The following BCAS3 variants were observed in gnomAD, a reference collection of about 807,000 sequenced individuals.
BCAS3 encodes BCAS3 microtubule associated cell migration factor.
A neutral mutation model predicts 116.1 loss-of-function variants in BCAS3; 53 were observed. The observed-to-expected ratio is 0.46, with a 90% CI of 0.37 to 0.57. BCAS3 has a LOEUF of 0.57. BCAS3 is among the 20% of genes least tolerant of loss of function. The pLI, the probability that BCAS3 is intolerant of heterozygous loss-of-function variation, is 0.00. For missense variants in BCAS3, 917 were observed against 1,165.4 expected (o/e 0.79, Z 3.10); for synonymous variants, 391 against 408.2 (o/e 0.96, Z 0.51).
chr17:60,877,933 C>T (rs1453495080), intron 9 of BCAS3, among the ~76,000 whole-genome samples: 1 of 151,604 alleles, frequency 6.6e-6, no homozygotes, highest in African/African-American at 2.4e-5. Context: ...AATAAAAGTA[C>T]ATTCTGTCAT....
Position 61,034,571 on chromosome 17 carries a change from G to A in BCAS3, c.1638-95G>A, listed in dbSNP as rs1037497870. The A allele has an allele frequency of 5.1e-5, 59 of 1,151,008 alleles. No individual in the cohort carries two copies. The Middle Eastern group carries it at 6.1e-4, about 12-fold the overall frequency. 71.3% of individuals were successfully genotyped at this position (1,151,008 alleles called of 1,614,324 possible). A position where few individuals can be genotyped will look rare whatever the true frequency, so the allele number is the denominator to read the frequency against. The stretch of plus-strand genomic sequence containing the variant: ...AATGCATGTTCATACTGGAGGATTT[G>A]AATAGGGGTGGAATTTAAAGGAAAA... On this transcript the variant is annotated intron_variant, in intron 16 of 23. Transcript: ENST00000407086. The surrounding 1 kb of genome is among the most constrained non-coding windows in gnomAD (Gnocchi z 5.0).
chr17:60,952,464 C>T (rs557008533), intron 14 of BCAS3, among the ~76,000 whole-genome samples: 5 of 151,852 alleles, frequency 3.3e-5, no homozygotes, highest in Admixed American at 6.6e-5. Flanking sequence ...GGGTTACAGG[C>T]GCCCAACAGC....
At chr17:60,820,228 C>A (rs905429292) in intron 7 of BCAS3, among the ~76,000 whole-genome samples, 1 of 152,042 alleles carries the variant, frequency 6.6e-6, no homozygotes, top group Non-Finnish European at 1.5e-5. Flanking sequence ...CCACCACGCC[C>A]GGCTAATTTT....
chr17:60,736,507 G>A (rs1359798690), intron 5 of BCAS3, among the ~76,000 whole-genome samples: 6 of 152,030 alleles, frequency 3.9e-5, no homozygotes, highest in East Asian at 3.9e-4. Flanking sequence ...TTATGGTTCC[G>A]GTGTTAGAGT....
intron 14 of BCAS3, among the ~76,000 whole-genome samples, chr17:60,950,120 A>C (rs1478334288): frequency 6.6e-6 from 1 of 151,928 alleles, no homozygotes; most frequent in East Asian, 1.9e-4. Flanking sequence ...GACTTACTAG[A>C]TATTATTTAT....
In BCAS3 at chr17:61,088,893, T is replaced by C. The variant is rs1468684746; in HGVS notation, c.2425+4329T>C. ...AGGTGTGGTGGAAGCAGTGTTTGTG[T>C]ACATGCCTGAGGAAGTGTGGTGGAA... On this transcript the variant is annotated intron_variant, in intron 22 of 23. Transcript: ENST00000407086. The surrounding 1 kb of genome is among the most constrained non-coding windows in gnomAD (Gnocchi z 4.2). 6.6e-6 allele frequency among the ~76,000 whole-genome samples: 1 copy of C among 152,178 alleles called. No homozygotes were observed. The highest frequency in any genetic ancestry group is 1.5e-5 in the Non-Finnish European group (1 of 68,028).
At chr17:61,375,729 T>TC (rs1426171212) in intron 23 of BCAS3, among the ~76,000 whole-genome samples, 1 of 152,026 alleles carries the variant, frequency 6.6e-6, no homozygotes, top group Non-Finnish European at 1.5e-5. Flanking sequence ...TGCGCCACCA[T>TC]GCCCAGCTAA....
chr17:60,731,780 A>ATTTTTTTTTTTTT (rs538038279), intron 5 of BCAS3, among the ~76,000 whole-genome samples: 12 of 125,970 alleles, frequency 9.5e-5, no homozygotes, highest in African/African-American at 3.3e-4. Flanking sequence ...TCACCCTCCT[A>ATTTTTTTTTTTTT]TTTTTTTTTT....
intron 6 of BCAS3, among the ~76,000 whole-genome samples, chr17:60,767,073 G>A (rs958414767): frequency 6.6e-6 from 1 of 152,210 alleles, no homozygotes; most frequent in Non-Finnish European, 1.5e-5. Context: ...TGTTTAGGTG[G>A]CAGTGTCCTG....
At chr17:60,852,179 A>G (rs1216651755) in intron 7 of BCAS3, among the ~76,000 whole-genome samples, 1 of 151,988 alleles carries the variant, frequency 6.6e-6, no homozygotes, top group Non-Finnish European at 1.5e-5. Context: ...TGTGTGCACA[A>G]TGTGCAGGTT....
rs553369511 is a variant in BCAS3 at position 61,122,235 on chromosome 17, A to G, written c.2425+37671A>G. Among the ~76,000 whole-genome samples the G allele has an allele frequency of 3.3e-5, 5 of 152,318 alleles. No individual in the cohort carries two copies. The East Asian group carries it at 9.7e-4, about 29-fold the overall frequency. ...AAATGGTGAAATCTGATTGCTAGAAATTGTGATGTGAATAAGTAAAAATTT... is the reference window on the plus strand; with the variant it reads ...AAATGGTGAAATCTGATTGCTAGAAGTTGTGATGTGAATAAGTAAAAATTT... On this transcript the variant is annotated intron_variant, in intron 22 of 23. Transcript: ENST00000407086. This position sits in a 1 kb window ranked among gnomAD's most constrained non-coding sequence, Gnocchi z 4.6.
At chr17:60,938,077 G>C (rs889752542) in intron 13 of BCAS3, among the ~76,000 whole-genome samples, 1 of 151,746 alleles carries the variant, frequency 6.6e-6, no homozygotes, top group Admixed American at 6.6e-5. Context: ...TGCCATCTCC[G>C]TAGAGACGGG....
At chr17:60,999,742 G>A (rs2064110182) in intron 15 of BCAS3, among the ~76,000 whole-genome samples, 1 of 152,046 alleles carries the variant, frequency 6.6e-6, no homozygotes, top group Non-Finnish European at 1.5e-5. Flanking sequence ...TACTTTGGGT[G>A]ATAATGGACA....
chr17:60,746,727 A>G (rs2042042483), intron 5 of BCAS3, among the ~76,000 whole-genome samples: 1 of 152,200 alleles, frequency 6.6e-6, no homozygotes, highest in African/African-American at 2.4e-5. Flanking sequence ...AGGTTAACAG[A>G]CAATTAGTTG....
At chr17:60,797,269 A>G (rs1316110167) in intron 6 of BCAS3, among the ~76,000 whole-genome samples, 1 of 152,144 alleles carries the variant, frequency 6.6e-6, no homozygotes, top group African/African-American at 2.4e-5. Flanking sequence ...ATCTATCAGT[A>G]GACTTTTGGG....
At position 60,927,706 on chromosome 17, in the gene BCAS3, C is replaced by A. The variant is rs575030087; in HGVS notation, c.1087+3206C>A. Among the ~76,000 whole-genome samples the A allele has an allele frequency of 2.0e-5, 3 of 152,204 alleles. No individual in the cohort carries two copies. In the South Asian group the frequency reaches 6.2e-4, roughly 32 times the overall value. ...AGCAATCTATGAAGCCTGTTAATAT[C>A]ATTGGAAATAATCCTATATGGAGAT... is the stretch of plus-strand genomic sequence containing the variant. On this transcript the variant is annotated intron_variant, in intron 13 of 23. Transcript: ENST00000407086.
intron 6 of BCAS3, among the ~76,000 whole-genome samples, chr17:60,753,913 A>G (rs1348386465): frequency 6.6e-6 from 1 of 152,220 alleles, no homozygotes; most frequent in African/African-American, 2.4e-5. Context: ...TAATAATAAT[A>G]TGTACCATAT....
chr17:60,780,422 C>A (rs1164195070), intron 6 of BCAS3, among the ~76,000 whole-genome samples: 1 of 152,016 alleles, frequency 6.6e-6, no homozygotes, highest in Non-Finnish European at 1.5e-5. Context: ...CCTGCCTCAG[C>A]CTCCCCAGTA....
intron 6 of BCAS3, among the ~76,000 whole-genome samples, chr17:60,756,743 A>G (rs2043021283): frequency 6.6e-6 from 1 of 152,198 alleles, no homozygotes; most frequent in Non-Finnish European, 1.5e-5. Context: ...ATGTGAGTGC[A>G]GGTTATACAG....
Sources: allele counts gnomAD v4.1 joint callset (sites outside exome capture counted in the v4.1 genomes callset), GRCh38; gene constraint gnomAD v4.1.1; non-coding constraint Gnocchi (gnomAD v3.1); transcripts MANE v1.5; gene names NCBI Gene and HGNC (gene_info 2026-07-23, HGNC 2026-07-21).